POC1A: variants seen among roughly 807,000 people sequenced by gnomAD.
POC1A encodes POC1 centriolar protein homolog A.
A neutral mutation model predicts 47.8 loss-of-function variants in POC1A; 34 were observed. The observed-to-expected ratio is 0.71, with a 90% CI of 0.54 to 0.95. The LOEUF is 0.95. Ranked by LOEUF, POC1A falls within the 40% of genes least tolerant of loss-of-function variation. POC1A has a pLI of 0.00. For missense variants in POC1A, 466 were observed against 528.3 expected, an observed-to-expected ratio of 0.88 and a Z score of 1.16; for synonymous variants, 177 against 207.6, an observed-to-expected ratio of 0.85 and a Z score of 1.27.
chr3:52,096,916 G>T (rs778573266), intron 9 of POC1A, among the ~76,000 whole-genome samples: 1 of 152,216 alleles, frequency 6.6e-6, no homozygotes, highest in African/African-American at 2.4e-5. Flanking sequence ...GGCCTTAAGT[G>T]GGGAGTGGAA....
chr3:52,151,643 A>T (rs1372565679), intron 1 of POC1A, among the ~76,000 whole-genome samples: 1 of 151,920 alleles, frequency 6.6e-6, no homozygotes, highest in Non-Finnish European at 1.5e-5. Flanking sequence ...ATAATTTAAC[A>T]AAAGAAGTGC....
intron 9 of POC1A, among the ~76,000 whole-genome samples, chr3:52,109,714 G>A (rs12638916): frequency 1.4e-4 from 21 of 152,076 alleles, no homozygotes; most frequent in African/African-American, 5.1e-4. Flanking sequence ...AGTACTCAGC[G>A]AATCCTGCAG....
intron 7 of POC1A, among the ~76,000 whole-genome samples, chr3:52,126,196 T>G (rs541225319): frequency 6.6e-6 from 1 of 152,178 alleles, no homozygotes; most frequent in Non-Finnish European, 1.5e-5. Context: ...CAACTGCCCA[T>G]GAGATGGGCT....
chr3:52,138,028 G>T, intron 7 of POC1A, 141 bp downstream of exon 7: 1 of 871,724 alleles, frequency 1.1e-6, no homozygotes, highest in South Asian at 1.6e-5. Context: ...CCAGCAATCT[G>T]CCCAGGTCAC....
chr3:52,113,430 C>T (rs749571822), intron 9 of POC1A, among the ~76,000 whole-genome samples: 9 of 152,320 alleles, frequency 5.9e-5, no homozygotes, highest in East Asian at 1.9e-4. Context: ...GGGCTGGGCA[C>T]GGTGGCTCAC....
chr3:52,107,142 C>A (rs1427693581), intron 9 of POC1A, among the ~76,000 whole-genome samples: 4 of 152,248 alleles, frequency 2.6e-5, no homozygotes, highest in Admixed American at 1.3e-4. Context: ...AAGAACATGC[C>A]TTGGCATGTG....
intron 7 of POC1A, 144 bp downstream of exon 7, chr3:52,138,025 T>C (rs1345917691): frequency 1.5e-5 from 13 of 841,986 alleles, no homozygotes. Flanking sequence ...GGCCCAGCAA[T>C]CTGCCCAGGT....
At chr3:52,137,057 G>T (rs550301111) in intron 7 of POC1A, among the ~76,000 whole-genome samples, 1 of 152,274 alleles carries the variant, frequency 6.6e-6, no homozygotes, top group East Asian at 1.9e-4. Context: ...CAGGGGCTTG[G>T]CTTGTGAACA....
intron 1 of POC1A, 172 bp from the exon 2 acceptor site, chr3:52,151,272 G>A (rs1207061946): frequency 3.8e-5 from 33 of 876,112 alleles, no homozygotes; most frequent in Non-Finnish European, 5.3e-5. Flanking sequence ...ACTAGGAATA[G>A]TTTTTACTAT....
intron 10 of POC1A, among the ~76,000 whole-genome samples, chr3:52,095,477 GCGT>G (rs1349242536): frequency 6.6e-6 from 1 of 152,180 alleles, no homozygotes; most frequent in East Asian, 1.9e-4. Flanking sequence ...AGGGTCCTTT[GCGT>G]CCTTCATGTG....
chr3:52,105,577 A>G (rs903986509), intron 9 of POC1A, among the ~76,000 whole-genome samples: 2 of 152,352 alleles, frequency 1.3e-5, no homozygotes, highest in Non-Finnish European at 2.9e-5. Context: ...TCAGAGCTCA[A>G]AAGAAGCCTA....
At chr3:52,116,438 T>C (rs1703566929) in intron 9 of POC1A, among the ~76,000 whole-genome samples, 1 of 152,188 alleles carries the variant, frequency 6.6e-6, no homozygotes, top group East Asian at 1.9e-4. Context: ...GCACTGAGGC[T>C]CTGGGGATCC....
At chr3:52,147,412 A>G (rs764230984) in intron 4 of POC1A, among the ~76,000 whole-genome samples, 4 of 151,946 alleles carry the variant, frequency 2.6e-5, no homozygotes, top group Admixed American at 6.6e-5. Flanking sequence ...TTTTTCAGGA[A>G]ACTGTGACTA....
chr3:52,121,270 C>G (rs542149154), intron 9 of POC1A, among the ~76,000 whole-genome samples: 2 of 152,328 alleles, frequency 1.3e-5, no homozygotes, highest in South Asian at 4.1e-4. Context: ...GGCCTCAACC[C>G]TGCAGTGTGA....
At chr3:52,135,258 G>A (rs1704404242) in intron 7 of POC1A, among the ~76,000 whole-genome samples, 1 of 152,224 alleles carries the variant, frequency 6.6e-6, no homozygotes, top group African/African-American at 2.4e-5. Flanking sequence ...CCTAGCCACA[G>A]ATCTCCATAA....
At chr3:52,125,228 T>C in intron 7 of POC1A, 47 bp from the exon 8 acceptor site, 1 of 1,433,320 alleles carries the variant, frequency 7.0e-7, no homozygotes, top group Non-Finnish European at 9.8e-7. Context: ...TCATTCTCCA[T>C]TCTAAATGCA....
At chr3:52,146,033 T>C in intron 5 of POC1A, 72 bp from the exon 6 acceptor site, 1 of 873,488 alleles carries the variant, frequency 1.1e-6, no homozygotes, top group African/African-American at 1.6e-5. Context: ...AAACATTTGG[T>C]GCTTTCCCCA....
At chr3:52,131,637 A>C (rs968900068) in intron 7 of POC1A, among the ~76,000 whole-genome samples, 1 of 152,158 alleles carries the variant, frequency 6.6e-6, no homozygotes, top group Non-Finnish European at 1.5e-5. Flanking sequence ...GGACATGTAC[A>C]CCAAGGCACC....
intron 7 of POC1A, among the ~76,000 whole-genome samples, chr3:52,132,574 A>T (rs1001626642): frequency 3.3e-5 from 5 of 151,830 alleles, no homozygotes; most frequent in Non-Finnish European, 5.9e-5. Flanking sequence ...ACATCTGTCC[A>T]CTCTCCTCTC....
Sources: gnomAD v4.1 joint callset for allele counts (sites outside exome capture counted in the v4.1 genomes callset) on GRCh38, gnomAD v4.1.1 for gene constraint, MANE v1.5 for transcripts, NCBI Gene and HGNC (gene_info 2026-07-23, HGNC 2026-07-21) for gene names.